The following PAK5 variants were observed in gnomAD, a reference collection of about 807,000 sequenced individuals.
PAK5 encodes the protein p21 (RAC1) activated kinase 5.
In PAK5, 16 loss-of-function variants were observed where a neutral mutation model predicts 65.9. The observed-to-expected ratio is 0.24, with a 90% confidence interval of 0.16 to 0.37. The LOEUF (loss-of-function observed/expected upper bound fraction) is 0.37. PAK5 is among the 10% of genes least tolerant of loss of function. The pLI is 1.00. For synonymous variants in PAK5, 371 were observed against 354.9 expected (o/e 1.05, Z -0.51); for missense variants, 785 against 903.9 (o/e 0.87, Z 1.69).
chr20:9,817,457 A>G (rs1487103322), intron 1 of PAK5, among the ~76,000 whole-genome samples: 1 of 152,182 alleles, frequency 6.6e-6, no homozygotes, highest in Non-Finnish European at 1.5e-5. Context: ...CAGGCCCTGG[A>G]GATAGCAGGC....
At chr20:9,826,136 A>G (rs1040523201) in intron 1 of PAK5, among the ~76,000 whole-genome samples, 7 of 152,186 alleles carry the variant, frequency 4.6e-5, no homozygotes, top group Non-Finnish European at 2.9e-5. Flanking sequence ...AAATTTTGCA[A>G]CTAAGTGTAT....
At chr20:9,705,846 A>G (rs988079570) in intron 2 of PAK5, among the ~76,000 whole-genome samples, 1 of 152,222 alleles carries the variant, frequency 6.6e-6, no homozygotes, top group African/African-American at 2.4e-5. Context: ...AGTATTACTT[A>G]GCTGTGAAAA....
At chr20:9,723,354 C>T (rs891559566) in intron 1 of PAK5, among the ~76,000 whole-genome samples, 5 of 152,084 alleles carry the variant, frequency 3.3e-5, no homozygotes, top group Non-Finnish European at 5.9e-5. Context: ...GTATTTTGGC[C>T]TGAGCATCAA....
chr20:9,691,322 G>A lies in PAK5; in HGVS notation c.-12+19964C>T, dbSNP rs1393317496. Among the ~76,000 whole-genome samples the A allele has an allele frequency of 2.0e-5, 3 of 152,144 alleles. No homozygotes were observed. In the East Asian group the frequency reaches 5.8e-4, roughly 29 times the overall value. ...TGATTACTGAGGACACTCAGACGGT[G>A]GTGGGAGAGAGTGAGGAAAGGAAGA... On this transcript the variant is annotated intron_variant, in intron 2 of 9. Coordinates refer to ENST00000353224, the MANE Select transcript of PAK5 (RefSeq NM_177990.4).
intron 1 of PAK5, among the ~76,000 whole-genome samples, chr20:9,728,446 C>A (rs2048300472): frequency 1.3e-5 from 2 of 152,008 alleles, no homozygotes; most frequent in South Asian, 4.2e-4. Flanking sequence ...GTGTACTAAC[C>A]CATGCATGTG....
chr20:9,775,000 A>G lies in PAK5; in HGVS notation c.-161-63565T>C, dbSNP rs146794749. On this transcript the variant is annotated intron_variant, in intron 1 of 9. Coordinates refer to ENST00000353224, the MANE Select transcript of PAK5 (RefSeq NM_177990.4). ...AACAAAAAACTACTCACATACAACA[A>G]TGGATCTCAGAGGCATATACTAATA... Among the ~76,000 whole-genome samples the G allele has an allele frequency of 4.1e-3, 617 of 152,188 alleles. 9 individuals are homozygous for G. Among genetic ancestry groups the G allele is most frequent in the African/African-American group, 0.014 (592 of 41,534 alleles).
At chr20:9,657,193 A>G (rs916183703) in intron 2 of PAK5, among the ~76,000 whole-genome samples, 1 of 152,160 alleles carries the variant, frequency 6.6e-6, no homozygotes, top group Non-Finnish European at 1.5e-5. Context: ...TCTGTTTTCT[A>G]TCTCCACAAA....
intron 1 of PAK5, among the ~76,000 whole-genome samples, chr20:9,729,001 G>C (rs1311338715): frequency 1.3e-5 from 2 of 152,026 alleles, no homozygotes; most frequent in African/African-American, 2.4e-5. Flanking sequence ...TTAACATTAA[G>C]GATGAAGAAC....
intron 1 of PAK5, among the ~76,000 whole-genome samples, chr20:9,767,857 T>G (rs2048787036): frequency 6.6e-6 from 1 of 152,150 alleles, no homozygotes; most frequent in African/African-American, 2.4e-5. Context: ...TCAACCTAGG[T>G]GCCCATCAAT....
intron 1 of PAK5, among the ~76,000 whole-genome samples, chr20:9,743,413 A>AACAAG (rs1347410737): frequency 6.6e-6 from 1 of 151,422 alleles, no homozygotes; most frequent in East Asian, 1.9e-4. Flanking sequence ...AACGAAACAA[A>AACAAG]ACAAAACAAA....
In PAK5 at chr20:9,727,779, T is replaced by C. The variant is rs190281375; in HGVS notation, c.-161-16344A>G. Among the ~76,000 whole-genome samples, 96 of 152,286 alleles carry C rather than the reference T, an allele frequency of 6.3e-4. 1 individual carries two copies. The highest frequency in any genetic ancestry group is 2.3e-3 in the African/African-American group (94 of 41,544). The stretch of plus-strand genomic sequence containing the variant: ...TGATTTTATATTTGGTTGCCCCAAT[T>C]TTTCCAGTTCTGGCCACTTGGGGCT... On this transcript the variant is annotated intron_variant, in intron 1 of 9. Transcript: ENST00000353224.
chr20:9,729,283 G>T (rs2048309763), intron 1 of PAK5, among the ~76,000 whole-genome samples: 1 of 152,032 alleles, frequency 6.6e-6, no homozygotes. Context: ...TGAATGAGAT[G>T]CTAACATTTA....
chr20:9,631,488 G>T (rs1004711838), intron 3 of PAK5, among the ~76,000 whole-genome samples: 1 of 152,134 alleles, frequency 6.6e-6, no homozygotes, highest in East Asian at 1.9e-4. Context: ...GCAAAGAAAA[G>T]AATTCTGCCC....
intron 2 of PAK5, among the ~76,000 whole-genome samples, chr20:9,698,400 G>A (rs183486968): frequency 6.6e-6 from 1 of 152,238 alleles, no homozygotes; most frequent in African/African-American, 2.4e-5. Flanking sequence ...TATTGTAACT[G>A]TATAGCTCCT....
chr20:9,823,766 C>T (rs1329090560), intron 1 of PAK5, among the ~76,000 whole-genome samples: 1 of 152,152 alleles, frequency 6.6e-6, no homozygotes, highest in Admixed American at 6.5e-5. Context: ...ATTCCATGAA[C>T]GTTCCAAGTA....
At chr20:9,779,949 T>A (rs2048924693) in intron 1 of PAK5, among the ~76,000 whole-genome samples, 1 of 152,066 alleles carries the variant, frequency 6.6e-6, no homozygotes, top group South Asian at 2.1e-4. Context: ...TCAATTCTAA[T>A]ACACGTATCC....
intron 3 of PAK5, among the ~76,000 whole-genome samples, chr20:9,621,225 TA>T (rs1468814797): frequency 6.6e-6 from 1 of 151,774 alleles, no homozygotes; most frequent in East Asian, 1.9e-4. Flanking sequence ...TGCAAAAATA[TA>T]AAGAGAGGAA....
chr20:9,592,269 A>C (rs1161756777), intron 3 of PAK5, among the ~76,000 whole-genome samples: 1 of 152,232 alleles, frequency 6.6e-6, no homozygotes, highest in Non-Finnish European at 1.5e-5. Context: ...TGATAGGTAC[A>C]CTAGAAGCAG....
At chr20:9,603,624 C>T (rs554112761) in intron 3 of PAK5, among the ~76,000 whole-genome samples, 50 of 152,302 alleles carry the variant, frequency 3.3e-4, no homozygotes, top group Non-Finnish European at 6.5e-4. Context: ...CATCCTCACC[C>T]ATGATAGGGC....
Sources: gnomAD v4.1 joint callset for allele counts (sites outside exome capture counted in the v4.1 genomes callset) on GRCh38, gnomAD v4.1.1 for gene constraint, MANE v1.5 for transcripts, NCBI Gene and HGNC (gene_info 2026-07-23, HGNC 2026-07-21) for gene names.